Variants in DOCK7 observed in about 807,000 individuals in gnomAD.
The protein encoded by DOCK7 is dedicator of cytokinesis protein 7.
DOCK7 carries 138 observed loss-of-function variants against 271.0 expected under a neutral mutation model. That is an observed-to-expected ratio of 0.51 (90% CI 0.44 to 0.59). The LOEUF (loss-of-function observed/expected upper bound fraction) is 0.59, where lower values mean the gene tolerates loss of function less well. DOCK7 is among the 20% of genes least tolerant of loss of function. The pLI, the probability that DOCK7 is intolerant of heterozygous loss-of-function variation, is 0.00. For synonymous variants in DOCK7, 823 were observed against 876.1 expected, an observed-to-expected ratio of 0.94 and a Z score of 1.07; for missense variants, 2,066 against 2,592.4, an observed-to-expected ratio of 0.80 and a Z score of 4.41.
At chr1:62,509,132 C>T (rs1644403816) in intron 34 of DOCK7, among the ~76,000 whole-genome samples, 1 of 151,624 alleles carries the variant, frequency 6.6e-6, no homozygotes, top group South Asian at 2.1e-4. Flanking sequence ...GACCAGCCTG[C>T]ACAACATGGC....
chr1:62,518,229 A>T (rs905333069), intron 31 of DOCK7, among the ~76,000 whole-genome samples: 55 of 152,290 alleles, frequency 3.6e-4, no homozygotes, highest in African/African-American at 1.2e-3. Flanking sequence ...TGAGGCCAGG[A>T]GTTCAAGATC....
chr1:62,670,223 C>G (rs1470675908), intron 1 of DOCK7, among the ~76,000 whole-genome samples: 2 of 152,270 alleles, frequency 1.3e-5, no homozygotes, highest in African/African-American at 4.8e-5. Flanking sequence ...AGCGCCACCC[C>G]CTGCTCCACA....
chr1:62,681,390 T>TG (rs1557902734), intron 1 of DOCK7, among the ~76,000 whole-genome samples: 1 of 56,030 alleles, frequency 1.8e-5, no homozygotes, highest in Non-Finnish European at 3.2e-5. Context: ...TGTCGTGGGG[T>TG]GGGGGGAGGG....
At chr1:62,655,070 G>A (rs897355606) in intron 2 of DOCK7, among the ~76,000 whole-genome samples, 2 of 152,150 alleles carry the variant, frequency 1.3e-5, no homozygotes, top group African/African-American at 2.4e-5. Context: ...AAGCCACCCA[G>A]TTTGTAGTAC....
intron 35 of DOCK7, among the ~76,000 whole-genome samples, chr1:62,506,764 G>A (rs1298902327): frequency 2.0e-5 from 3 of 151,092 alleles, no homozygotes; most frequent in Middle Eastern, 3.2e-3. Flanking sequence ...CCTAACCAAC[G>A]TGGAGAAACC....
At chr1:62,509,532 A>G (rs956450070) in intron 34 of DOCK7, among the ~76,000 whole-genome samples, 41 of 152,128 alleles carry the variant, frequency 2.7e-4, no homozygotes, top group Admixed American at 2.3e-3. Context: ...TACTATACTG[A>G]TAGTACAGTA....
chr1:62,556,582 C>T (rs1393601174), intron 20 of DOCK7, among the ~76,000 whole-genome samples: 2 of 150,568 alleles, frequency 1.3e-5, no homozygotes, highest in Non-Finnish European at 3.0e-5. Flanking sequence ...CATTTTAAAT[C>T]CCAGGCTAAG....
intron 43 of DOCK7, chr1:62,484,523 T>C (rs1267171829): frequency 1.3e-5 from 2 of 152,160 alleles, no homozygotes; most frequent in East Asian, 3.9e-4. Flanking sequence ...AGGGTCTCAC[T>C]CTGTCATCCA....
At chr1:62,537,817 A>AT in intron 28 of DOCK7, 74 bp downstream of exon 28, 1 of 1,374,292 alleles carries the variant, frequency 7.3e-7, no homozygotes, top group Non-Finnish European at 1.0e-6. Context: ...AATAAGTGTT[A>AT]TTTTTTCCAT....
intron 14 of DOCK7, among the ~76,000 whole-genome samples, chr1:62,615,798 T>C (rs1007560977): frequency 2.0e-5 from 3 of 151,760 alleles, no homozygotes; most frequent in African/African-American, 4.8e-5. Context: ...CTGTAATTAA[T>C]AGAATGTCTA....
intron 16 of DOCK7, among the ~76,000 whole-genome samples, chr1:62,582,319 G>C (rs1481988245): frequency 6.6e-6 from 1 of 151,716 alleles, no homozygotes; most frequent in Non-Finnish European, 1.5e-5. Flanking sequence ...GGGAGGCCGA[G>C]GCGGGCGGAT....
chr1:62,524,995 G>A (rs1644964213), intron 31 of DOCK7, among the ~76,000 whole-genome samples: 4 of 135,544 alleles, frequency 3.0e-5, no homozygotes, highest in Admixed American at 2.3e-4. Context: ...AAACTTAGAC[G>A]GTAAAACTCT....
chr1:62,512,802 T>C lies in DOCK7; in HGVS notation c.4282+642A>G, dbSNP rs557910610. Among the ~76,000 whole-genome samples the C allele has an allele frequency of 5.0e-4, 75 of 151,484 alleles. 1 individual carries two copies. In the South Asian group the frequency reaches 0.014, roughly 28 times the overall value. ...TCCCAGCTACCAGGGTAGGTGTGTA[T>C]TGGGGGATGAAGGTGTAAAAATTGC... On this transcript the variant is annotated intron_variant, in intron 33 of 49. Transcript: ENST00000635253.
At chr1:62,494,167 A>T in intron 40 of DOCK7, 108 bp downstream of exon 40, 1 of 993,520 alleles carries the variant, frequency 1.0e-6, no homozygotes, top group South Asian at 2.3e-5. Context: ...GCATTGGCTT[A>T]AGTCTTTAAG....
intron 18 of DOCK7, among the ~76,000 whole-genome samples, chr1:62,562,454 A>T (rs1646358522): frequency 6.6e-6 from 1 of 152,012 alleles, no homozygotes; most frequent in South Asian, 2.1e-4. Context: ...ACCTCAGGTG[A>T]TCTGCTTGCC....
In DOCK7 at chr1:62,513,235, A is replaced by T. The variant is rs115523792; in HGVS notation, c.4282+209T>A. On this transcript the variant is annotated intron_variant, in intron 33 of 49. Transcript: ENST00000635253. ...ACTTTCTAGAGAACGTTTTCTAGAG[A>T]AGACTTTCTAGAGAAAACGGGGGGG... Among the ~76,000 whole-genome samples, 3,407 of 108,108 alleles carry T rather than the reference A, an allele frequency of 0.032. 114 individuals carry two copies. The highest frequency in any genetic ancestry group is 0.09 in the African/African-American group (2,673 of 29,754). The allele number at this position is 108,108 out of a possible 152,430, so 70.9% of individuals were successfully genotyped here.
chr1:62,651,151 T>A (rs1234333344), intron 4 of DOCK7, among the ~76,000 whole-genome samples: 1 of 151,618 alleles, frequency 6.6e-6, no homozygotes, highest in Non-Finnish European at 1.5e-5. Flanking sequence ...TGTAGGGACA[T>A]GGATGAAGCT....
intron 22 of DOCK7, among the ~76,000 whole-genome samples, 175 bp from the exon 23 acceptor site, chr1:62,545,214 T>G (rs181806989): frequency 6.6e-6 from 1 of 152,178 alleles, no homozygotes; most frequent in Non-Finnish European, 1.5e-5. Flanking sequence ...AATTATCTTA[T>G]TATATAACAC....
chr1:62,473,603 T>G (rs1042494698), intron 48 of DOCK7, among the ~76,000 whole-genome samples: 2 of 152,158 alleles, frequency 1.3e-5, no homozygotes, highest in African/African-American at 4.8e-5. Context: ...TCTCTCTTTC[T>G]GACACAGGCT....
Sources: allele counts gnomAD v4.1 joint callset (sites outside exome capture counted in the v4.1 genomes callset), GRCh38; gene constraint gnomAD v4.1.1; transcripts MANE v1.5; gene names NCBI Gene and HGNC (gene_info 2026-07-23, HGNC 2026-07-21).